ITM2B: variants seen among roughly 807,000 people sequenced by gnomAD.
ITM2B encodes ABri/ADan amyloid peptide.
ITM2B carries 11 observed loss-of-function variants against 27.8 expected under a neutral mutation model. That is an observed-to-expected ratio of 0.40 (90% CI 0.25 to 0.66). The LOEUF (loss-of-function observed/expected upper bound fraction) is 0.66. Ranked by LOEUF, ITM2B falls within the 30% of genes least tolerant of loss-of-function variation. The pLI, the probability that ITM2B is intolerant of heterozygous loss-of-function variation, is 0.43. For synonymous variants in ITM2B, 114 were observed against 114.3 expected, an observed-to-expected ratio of 1.00 and a Z score of 0.02; for missense variants, 296 against 328.9, an observed-to-expected ratio of 0.90 and a Z score of 0.77.
intron 1 of ITM2B, among the ~76,000 whole-genome samples, chr13:48,248,179 A>G (rs967192995): frequency 2.0e-5 from 3 of 152,302 alleles, no homozygotes; most frequent in East Asian, 1.9e-4. Context: ...TAAATATCAC[A>G]TACTTACATA....
rs181564405 is a variant in ITM2B, at chr13:48,270,036, G to A, written c.*8812G>A. 3.9e-5 allele frequency: 6 copies of A among 152,302 alleles called. No individual in the cohort carries two copies. In the East Asian group the frequency reaches 9.6e-4, roughly 24 times the overall value. 9.4% of individuals were successfully genotyped at this position (152,302 alleles called of 1,614,324 possible). A position where few individuals can be genotyped will look rare whatever the true frequency, so the allele number is the denominator to read the frequency against. On this transcript the variant is annotated 3_prime_UTR_variant, in exon 6 of 6. Transcript: ENST00000647800. ...AGGTGGTCATTTCCATAGCCCATGT[G>A]GAATGAGATGTCCACTAGGGCAGAG...
intron 1 of ITM2B, among the ~76,000 whole-genome samples, chr13:48,252,013 T>C (rs1328184721): frequency 6.6e-6 from 1 of 152,254 alleles, no homozygotes; most frequent in African/African-American, 2.4e-5. Flanking sequence ...AATACGCTCA[T>C]TGTCTTTCAC....
chr13:48,249,508 ATTAGT>A (rs1450742027), intron 1 of ITM2B, among the ~76,000 whole-genome samples: 2 of 152,194 alleles, frequency 1.3e-5, no homozygotes, highest in Non-Finnish European at 2.9e-5. Context: ...CCACCCTCTA[ATTAGT>A]TTAAATAATT....
At chr13:48,259,839 TTTTTC>T (rs1391156840) in intron 5 of ITM2B, among the ~76,000 whole-genome samples, 2 of 151,902 alleles carry the variant, frequency 1.3e-5, no homozygotes, top group Non-Finnish European at 2.9e-5. Flanking sequence ...CAATAGGTAG[TTTTTC>T]TTTTCTTTTC....
intron 1 of ITM2B, among the ~76,000 whole-genome samples, chr13:48,233,906 G>A (rs1432698897): frequency 6.6e-6 from 1 of 152,134 alleles, no homozygotes; most frequent in East Asian, 1.9e-4. Flanking sequence ...CTAAACCTCT[G>A]TTGTTTCCCA....
rs538258370 is a variant in ITM2B at position 48,239,807 on chromosome 13, G to A, written c.117+6330G>A. Among the ~76,000 whole-genome samples the A allele has an allele frequency of 2.2e-4, 34 of 152,276 alleles. No individual in the cohort carries two copies. The East Asian group carries it at 6.4e-3, about 28-fold the overall frequency. ...TTTATAATCTCCTTTAAAGTGGAACGCAGGACTGGCAAATTATAGCCTATA... is the reference window on the plus strand; with the variant it reads ...TTTATAATCTCCTTTAAAGTGGAACACAGGACTGGCAAATTATAGCCTATA... On this transcript the variant is annotated intron_variant, in intron 1 of 5. Transcript: ENST00000647800.
rs1951831298 is a variant in ITM2B, at chr13:48,262,976, A to G, written c.*1752A>G. ...TTATTAGTTTGTTTTCCTGTTGATT[A>G]TAGTAGTAATGCAGTATCAGGGTAG... On this transcript the variant is annotated 3_prime_UTR_variant, in exon 6 of 6. Coordinates refer to ENST00000647800, the MANE Select transcript of ITM2B (RefSeq NM_021999.5). 6.6e-6 allele frequency: 1 copy of G among 152,152 alleles called. No individual in the cohort carries two copies. Among genetic ancestry groups the G allele is most frequent in the East Asian group, 1.9e-4 (1 of 5,194 alleles). The allele number at this position is 152,152 out of a possible 1,614,324, so 9.4% of individuals were successfully genotyped here. A position where few individuals can be genotyped will look rare whatever the true frequency, so the allele number is the denominator to read the frequency against.
chr13:48,255,273 G>A lies in ITM2B; in HGVS notation c.247-904G>A, dbSNP rs762092300. Among the ~76,000 whole-genome samples the A allele has an allele frequency of 1.1e-4, 16 of 151,954 alleles. 1 individual carries two copies. Among genetic ancestry groups the A allele is most frequent in the Middle Eastern group, 3.4e-3 (1 of 294 alleles). On this transcript the variant is annotated intron_variant, in intron 2 of 5. Coordinates refer to ENST00000647800, the MANE Select transcript of ITM2B (RefSeq NM_021999.5). ...TGTGTGTGCGCGCGCGTGTGCGTGC[G>A]CGCACGTGTACATGTACTGTGTGTT...
chr13:48,259,055 A>G (rs1028930998), intron 5 of ITM2B, 108 bp downstream of exon 5: 12 of 725,578 alleles, frequency 1.7e-5, no homozygotes, highest in African/African-American at 3.6e-5. Context: ...TGAGTGAGGT[A>G]ATATTGTGTC....
intron 1 of ITM2B, among the ~76,000 whole-genome samples, chr13:48,234,115 A>G (rs1352149900): frequency 6.6e-6 from 1 of 152,190 alleles, no homozygotes; most frequent in East Asian, 1.9e-4. Flanking sequence ...AAGGCCAGTA[A>G]TGACTATGTG....
chr13:48,246,201 C>G (rs1177703021), intron 1 of ITM2B, among the ~76,000 whole-genome samples: 1 of 152,168 alleles, frequency 6.6e-6, no homozygotes, highest in Non-Finnish European at 1.5e-5. Flanking sequence ...TTTAACTTAA[C>G]TAAATGAAAT....
In ITM2B at chr13:48,264,596, T is replaced by C. The variant is rs1429122161; in HGVS notation, c.*3372T>C. 6.6e-6 allele frequency: 1 copy of C among 152,218 alleles called. No individual in the cohort carries two copies. Among genetic ancestry groups the C allele is most frequent in the East Asian group, 1.9e-4 (1 of 5,198 alleles). The allele number at this position is 152,218 out of a possible 1,614,324, so 9.4% of individuals were successfully genotyped here. On this transcript the variant is annotated 3_prime_UTR_variant, in exon 6 of 6. Coordinates refer to ENST00000647800, the MANE Select transcript of ITM2B (RefSeq NM_021999.5). ...GCAAAGAGTTTGTTGCCCAGAGTTA[T>C]ATAAATCCTACTCTATTGCACACTA...
In ITM2B at chr13:48,253,930, A is replaced by T. The variant is rs755757477; in HGVS notation, c.240A>T (p.Ala80=). The T allele has an allele frequency of 2.2e-5, 35 of 1,612,012 alleles. No homozygotes were observed. The East Asian group carries it at 7.1e-4, about 33-fold the overall frequency. ...GAGCATACTTGTACAAATATTTTGC[A>T]CTTCAAGTAAGTGGAAAAATTATTT... ...LGGAYLYKYF[A]LQPDDVYYCG... is the part of the protein sequence containing the mutation. Residue 80 remains alanine (A), a synonymous_variant, in exon 2 of 6, where the codon GCA becomes GCT. Transcript: ENST00000647800.
chr13:48,249,410 G>T lies in ITM2B; in HGVS notation c.118-4398G>T, dbSNP rs189536167. Among the ~76,000 whole-genome samples the T allele has an allele frequency of 2.8e-3, 420 of 151,968 alleles. 1 individual carries two copies. Among genetic ancestry groups the T allele is most frequent in the Middle Eastern group, 3.4e-3 (1 of 294 alleles). Reference sequence around the variant, plus strand: ...GATATTTGGGTTGTTTCTAGTTTGGGGCTAGTATATAAATAATGATGCTGT... The same window carrying T: ...GATATTTGGGTTGTTTCTAGTTTGGTGCTAGTATATAAATAATGATGCTGT... On this transcript the variant is annotated intron_variant, in intron 1 of 5. Coordinates refer to ENST00000647800, the MANE Select transcript of ITM2B (RefSeq NM_021999.5).
At chr13:48,237,032 T>C (rs549312356) in intron 1 of ITM2B, among the ~76,000 whole-genome samples, 6 of 152,220 alleles carry the variant, frequency 3.9e-5, no homozygotes, top group Non-Finnish European at 8.8e-5. Context: ...TAGACCCTGG[T>C]TCTTTACCCT....
chr13:48,262,704 G>T lies in ITM2B; in HGVS notation c.*1480G>T, dbSNP rs913977247. 6.6e-6 allele frequency: 1 copy of T among 152,158 alleles called. No homozygotes were observed. Among genetic ancestry groups the T allele is most frequent in the Non-Finnish European group, 1.5e-5 (1 of 68,036 alleles). The allele number at this position is 152,158 out of a possible 1,614,324, so 9.4% of individuals were successfully genotyped here. A position where few individuals can be genotyped will look rare whatever the true frequency, so the allele number is the denominator to read the frequency against. On this transcript the variant is annotated 3_prime_UTR_variant, in exon 6 of 6. Transcript: ENST00000647800. ...GCAAAGAAGAAAAAAAGCCACTGCC[G>T]TCGTGGAGACTCACAATCTAGGAAA... is the stretch of plus-strand genomic sequence containing the variant.
chr13:48,250,039 ACAT>A (rs1216601388), intron 1 of ITM2B, among the ~76,000 whole-genome samples: 1 of 152,216 alleles, frequency 6.6e-6, no homozygotes, highest in Non-Finnish European at 1.5e-5. Flanking sequence ...GTATTATGGA[ACAT>A]CATTTATCTA....
intron 1 of ITM2B, among the ~76,000 whole-genome samples, chr13:48,249,045 G>A (rs2137987222): frequency 6.6e-6 from 1 of 152,218 alleles, no homozygotes; most frequent in East Asian, 1.9e-4. Flanking sequence ...TGCATTTTAT[G>A]TGTACAATTT....
At chr13:48,248,405 A>G (rs1951735620) in intron 1 of ITM2B, among the ~76,000 whole-genome samples, 1 of 151,932 alleles carries the variant, frequency 6.6e-6, no homozygotes, top group Non-Finnish European at 1.5e-5. Flanking sequence ...CAAAGTGCTG[A>G]GAGTATAGGC....
Sources: gnomAD v4.1 joint callset for allele counts (sites outside exome capture counted in the v4.1 genomes callset) on GRCh38, gnomAD v4.1.1 for gene constraint, MANE v1.5 for transcripts, NCBI Gene and HGNC (gene_info 2026-07-23, HGNC 2026-07-21) for gene names.